The following KCNK2 variants were observed in gnomAD, a reference collection of about 807,000 sequenced individuals.
KCNK2 encodes the protein potassium channel subfamily K member 2.
In KCNK2, 21 loss-of-function variants were observed where a neutral mutation model predicts 40.5. That is an observed-to-expected ratio of 0.52 (90% confidence interval 0.37 to 0.75). The LOEUF (loss-of-function observed/expected upper bound fraction) is 0.75. Among genes scored for constraint, KCNK2 ranks in the 30% least tolerant of loss-of-function variants. The probability of loss-of-function intolerance (pLI) is 0.00; values close to 1 mark genes in which losing one functional copy is unlikely to be tolerated. For synonymous variants in KCNK2, 191 were observed against 202.2 expected (o/e 0.94, Z 0.47); for missense variants, 399 against 531.6 (o/e 0.75, Z 2.45).
At position 215,177,722 on chromosome 1, in the gene KCNK2, G is replaced by GTATA. The variant is rs1553270861; in HGVS notation, c.823+5555_823+5558dup. Among the ~76,000 whole-genome samples, 95 of 116,204 alleles carry GTATA rather than the reference G, an allele frequency of 8.2e-4. 3 individuals carry two copies. Among genetic ancestry groups the GTATA allele is most frequent in the Middle Eastern group, 5.0e-3 (1 of 200 alleles). 76.2% of individuals were successfully genotyped at this position (116,204 alleles called of 152,430 possible). A position where few individuals can be genotyped will look rare whatever the true frequency, so the allele number is the denominator to read the frequency against. ...GCTCCACTGGCCTATATATATATGT[G>GTATA]TATATATATATATATATATTTTTTT... On this transcript the variant is annotated intron_variant, in intron 5 of 6. Transcript: ENST00000444842.
At chr1:215,182,682 G>A (rs1376648361) in intron 5 of KCNK2, among the ~76,000 whole-genome samples, 2 of 152,110 alleles carry the variant, frequency 1.3e-5, no homozygotes, top group Admixed American at 6.6e-5. Flanking sequence ...TACCCCACTC[G>A]AGAGCAAGCA....
At chr1:215,074,450 G>A (rs1415900191) in intron 1 of KCNK2, among the ~76,000 whole-genome samples, 1 of 152,186 alleles carries the variant, frequency 6.6e-6, no homozygotes, top group African/African-American at 2.4e-5. Context: ...CATTTTAGAA[G>A]GGAAATTGTA....
At chr1:215,209,203 T>C (rs1558139586) in intron 6 of KCNK2, among the ~76,000 whole-genome samples, 1 of 133,638 alleles carries the variant, frequency 7.5e-6, no homozygotes, top group East Asian at 2.0e-4. Flanking sequence ...TATATATATA[T>C]AAAATATACA....
At chr1:215,062,283 G>A (rs1289676880) in intron 1 of KCNK2, among the ~76,000 whole-genome samples, 1 of 152,102 alleles carries the variant, frequency 6.6e-6, no homozygotes, top group East Asian at 1.9e-4. Flanking sequence ...ATGCTGGGCA[G>A]CAAACAAAGG....
Position 215,234,868 on chromosome 1 carries a change from A to G in KCNK2, c.1004A>G (p.Asn335Ser). The change falls in exon 7 of 7, where the codon AAC becomes AGC. Residue 335 changes from asparagine (N) to serine (S), a missense_variant. Physicochemically the swap from Asn to Ser is conservative, Grantham distance 46. Transcript: ENST00000444842. ...FRAHAAEWTANVTAEFKETRR... is the reference protein window; with the variant it reads ...FRAHAAEWTASVTAEFKETRR... ...GCACACGCTGCTGAGTGGACAGCCA[A>G]CGTCACAGCCGAATTCAAAGAAACC... 1 of 1,614,036 alleles carries G rather than the reference A, an allele frequency of 6.2e-7. No homozygotes were observed.
At chr1:215,038,548 G>T (rs1227107514) in intron 1 of KCNK2, among the ~76,000 whole-genome samples, 2 of 152,064 alleles carry the variant, frequency 1.3e-5, no homozygotes, top group African/African-American at 4.8e-5. Flanking sequence ...AACATTTCCA[G>T]CATTGAAGAC....
At chr1:215,086,709 T>A in intron 2 of KCNK2, 31 bp downstream of exon 2, 1 of 1,583,516 alleles carries the variant, frequency 6.3e-7, no homozygotes, top group Non-Finnish European at 8.6e-7. Context: ...GTTACTCTGT[T>A]CCCCCAAATG....
At chr1:215,093,741 TAAAA>T (rs1302825036) in intron 2 of KCNK2, among the ~76,000 whole-genome samples, 2 of 63,516 alleles carry the variant, frequency 3.1e-5, no homozygotes, top group East Asian at 7.3e-4. Context: ...ATATATAATA[TAAAA>T]ATATATTATA....
chr1:215,127,188 GT>G (rs1198660435), intron 3 of KCNK2, among the ~76,000 whole-genome samples: 2 of 152,070 alleles, frequency 1.3e-5, no homozygotes, highest in African/African-American at 4.8e-5. Flanking sequence ...CTTTTATAGG[GT>G]TCCTGGTACA....
At chr1:215,072,499 T>G (rs1658793292) in intron 1 of KCNK2, among the ~76,000 whole-genome samples, 2 of 152,186 alleles carry the variant, frequency 1.3e-5, no homozygotes, top group African/African-American at 4.8e-5. Flanking sequence ...AATTGGAAAA[T>G]TTCTTCTAAA....
chr1:215,022,556 C>G (rs1006485853), intron 1 of KCNK2, among the ~76,000 whole-genome samples: 5 of 152,134 alleles, frequency 3.3e-5, no homozygotes, highest in African/African-American at 1.2e-4. Context: ...GGAACCATTA[C>G]TATTCAAATG....
At chr1:215,111,615 T>C (rs1022397316) in intron 2 of KCNK2, among the ~76,000 whole-genome samples, 16 of 152,152 alleles carry the variant, frequency 1.1e-4, no homozygotes, top group Non-Finnish European at 2.2e-4. Flanking sequence ...TTGTTTATAT[T>C]TTATGTCTCT....
intron 6 of KCNK2, among the ~76,000 whole-genome samples, chr1:215,201,851 T>C (rs1359496867): frequency 6.6e-6 from 1 of 152,150 alleles, no homozygotes; most frequent in Non-Finnish European, 1.5e-5. Context: ...GTAGCCTGCT[T>C]TTACTTTTTT....
chr1:215,088,092 A>G (rs1659527240), intron 2 of KCNK2, among the ~76,000 whole-genome samples: 1 of 152,006 alleles, frequency 6.6e-6, no homozygotes, highest in Non-Finnish European at 1.5e-5. Flanking sequence ...TTATTGTCCC[A>G]ACTGCCCCCT....
At chr1:215,063,123 G>T (rs1036002328) in intron 1 of KCNK2, among the ~76,000 whole-genome samples, 4 of 152,110 alleles carry the variant, frequency 2.6e-5, no homozygotes, top group African/African-American at 9.7e-5. Context: ...AAGAATGGGA[G>T]AGTGGTCTGT....
chr1:215,185,148 A>G (rs1222731086), intron 5 of KCNK2, among the ~76,000 whole-genome samples: 3 of 151,594 alleles, frequency 2.0e-5, no homozygotes, highest in Non-Finnish European at 4.4e-5. Flanking sequence ...TTTTTATTTG[A>G]CAGAGGAAAT....
chr1:215,045,357 A>G (rs1657731597), intron 1 of KCNK2, among the ~76,000 whole-genome samples: 1 of 152,172 alleles, frequency 6.6e-6, no homozygotes, highest in Non-Finnish European at 1.5e-5. Context: ...GTTGGGGTGT[A>G]ATTTGTCTGG....
intron 1 of KCNK2, among the ~76,000 whole-genome samples, chr1:215,046,755 G>A (rs78365602): frequency 6.6e-6 from 1 of 151,968 alleles, no homozygotes; most frequent in South Asian, 2.1e-4. Flanking sequence ...TACATCAAAA[G>A]ATATATTTCT....
chr1:215,060,120 C>A (rs540914201), intron 1 of KCNK2, among the ~76,000 whole-genome samples: 2 of 152,308 alleles, frequency 1.3e-5, no homozygotes, highest in South Asian at 4.1e-4. Context: ...TGAGAGCCAA[C>A]AGGCCTGCCC....
Sources: allele counts gnomAD v4.1 joint callset (sites outside exome capture counted in the v4.1 genomes callset), GRCh38; gene constraint gnomAD v4.1.1; transcripts MANE v1.5; gene names NCBI Gene and HGNC (gene_info 2026-07-23, HGNC 2026-07-21).